Variants in MACROD2 observed in about 807,000 individuals in gnomAD.
The protein encoded by MACROD2 is ADP-ribose glycohydrolase MACROD2.
Under a neutral mutation model 70.4 loss-of-function variants are expected in MACROD2, and 36 were observed. That is an observed-to-expected ratio of 0.51 (90% confidence interval 0.39 to 0.68). The LOEUF (loss-of-function observed/expected upper bound fraction) is 0.68. Ranked by LOEUF, MACROD2 falls within the 30% of genes least tolerant of loss-of-function variation. The pLI, the probability that MACROD2 is intolerant of heterozygous loss-of-function variation, is 0.00. For missense variants in MACROD2, 496 were observed against 538.4 expected (o/e 0.92, Z 0.78); for synonymous variants, 172 against 178.8 (o/e 0.96, Z 0.30).
chr20:15,763,885 A>T (rs2147002220), intron 8 of MACROD2, among the ~76,000 whole-genome samples: 1 of 152,370 alleles, frequency 6.6e-6, no homozygotes, highest in South Asian at 2.1e-4. Context: ...GATACATGTT[A>T]TGATAGTTGG....
In MACROD2 at chr20:15,574,704, G is replaced by A. The variant is rs112649545; in HGVS notation, c.645+74857G>A. 1.5e-3 allele frequency among the ~76,000 whole-genome samples: 235 copies of A among 152,174 alleles called. 2 individuals are homozygous for A. Among genetic ancestry groups the A allele is most frequent in the African/African-American group, 5.2e-3 (218 of 41,540 alleles). Reference sequence around the variant, plus strand: ...GCTTTTCTTCCCCATGAAAACCCCCGTACTTTCCTTGTATTGAGGTGTGGC... The same window carrying A: ...GCTTTTCTTCCCCATGAAAACCCCCATACTTTCCTTGTATTGAGGTGTGGC... On this transcript the variant is annotated intron_variant, in intron 8 of 17. Coordinates refer to ENST00000684519, the MANE Select transcript of MACROD2 (RefSeq NM_001351661.2).
In MACROD2 at chr20:15,731,133, A is replaced by T. The variant is rs2050941860; in HGVS notation, c.646-131612A>T. Among the ~76,000 whole-genome samples, 2 of 58,388 alleles carry T rather than the reference A, an allele frequency of 3.4e-5. 1 individual carries two copies. Among genetic ancestry groups the T allele is most frequent in the Non-Finnish European group, 9.7e-5 (2 of 20,680 alleles). 38.3% of individuals were successfully genotyped at this position (58,388 alleles called of 152,430 possible). On this transcript the variant is annotated intron_variant, in intron 8 of 17. Transcript: ENST00000684519. ...GGTTTTGACTTTCTCCTGGATATCA[A>T]TTGTTTTCATTTCTATCCATAGTCT...
At chr20:14,653,111 C>T (rs1428205313) in intron 4 of MACROD2, among the ~76,000 whole-genome samples, 2 of 152,072 alleles carry the variant, frequency 1.3e-5, no homozygotes, top group African/African-American at 4.8e-5. Context: ...AGTGCAATGG[C>T]GTGATCATGG....
intron 6 of MACROD2, among the ~76,000 whole-genome samples, chr20:15,317,286 G>A (rs959616884): frequency 1.3e-5 from 2 of 151,920 alleles, no homozygotes; most frequent in Non-Finnish European, 2.9e-5. Flanking sequence ...CTGACTAAAC[G>A]AAAATGGTGA....
intron 5 of MACROD2, among the ~76,000 whole-genome samples, chr20:14,734,362 G>T (rs893496945): frequency 1.3e-5 from 2 of 151,580 alleles, no homozygotes; most frequent in South Asian, 2.1e-4. Context: ...TTAGCCACGT[G>T]TAGTGGCGGG....
intron 5 of MACROD2, among the ~76,000 whole-genome samples, chr20:14,792,959 T>C (rs1273751419): frequency 6.6e-6 from 1 of 152,020 alleles, no homozygotes; most frequent in African/African-American, 2.4e-5. Context: ...TTTTTTTAAA[T>C]GTCTAATTGT....
In MACROD2 at chr20:14,297,255, A is replaced by G. The variant is rs529261802; in HGVS notation, c.272-196224A>G. Among the ~76,000 whole-genome samples the G allele has an allele frequency of 2.0e-5, 3 of 151,892 alleles. No homozygotes were observed. In the South Asian group the frequency reaches 6.2e-4, roughly 32 times the overall value. On this transcript the variant is annotated intron_variant, in intron 3 of 17. Coordinates refer to ENST00000684519, the MANE Select transcript of MACROD2 (RefSeq NM_001351661.2). The stretch of plus-strand genomic sequence containing the variant: ...TTAATAACCCTGCAATGGCCTCTAG[A>G]TGTTCAAATAAAAGGAAGAGTCCTA...
chr20:14,643,855 TG>T (rs1390153707), intron 4 of MACROD2, among the ~76,000 whole-genome samples: 1 of 152,106 alleles, frequency 6.6e-6, no homozygotes, highest in African/African-American at 2.4e-5. Context: ...AATGAATGTA[TG>T]GGTAGGTAAA....
At chr20:14,215,337 T>TATCTATGCCATCATATATACACACAC (rs1166198341) in intron 3 of MACROD2, among the ~76,000 whole-genome samples, 1 of 131,044 alleles carries the variant, frequency 7.6e-6, no homozygotes, top group Non-Finnish European at 1.6e-5. Flanking sequence ...CCATCATATA[T>TATCTATGCCATCATATATACACACAC]ACACACACAC....
intron 4 of MACROD2, among the ~76,000 whole-genome samples, chr20:14,677,925 G>A (rs915803210): frequency 6.6e-6 from 1 of 152,140 alleles, no homozygotes. Flanking sequence ...AAAAAAAACA[G>A]TGATCCAGTG....
intron 5 of MACROD2, among the ~76,000 whole-genome samples, chr20:14,830,241 G>C (rs2072949271): frequency 6.6e-6 from 1 of 152,110 alleles, no homozygotes; most frequent in African/African-American, 2.4e-5. Context: ...GCCATGCTGT[G>C]ATTGCCAAGT....
intron 8 of MACROD2, among the ~76,000 whole-genome samples, chr20:15,690,571 G>A (rs1404021236): frequency 6.6e-6 from 1 of 152,154 alleles, no homozygotes; most frequent in Non-Finnish European, 1.5e-5. Flanking sequence ...TAGGCACATG[G>A]ATGATATTTA....
At chr20:14,756,311 A>G (rs2071939660) in intron 5 of MACROD2, among the ~76,000 whole-genome samples, 1 of 152,010 alleles carries the variant, frequency 6.6e-6, no homozygotes, top group African/African-American at 2.4e-5. Context: ...TCCCCTCCTC[A>G]GAATAGTATT....
At chr20:14,668,251 C>T (rs1227000163) in intron 4 of MACROD2, among the ~76,000 whole-genome samples, 2 of 151,956 alleles carry the variant, frequency 1.3e-5, no homozygotes, top group African/African-American at 4.8e-5. Context: ...GAAGAGAAAA[C>T]CCCAATGTCT....
chr20:14,730,642 A>G (rs910138912), intron 5 of MACROD2, among the ~76,000 whole-genome samples: 3 of 152,312 alleles, frequency 2.0e-5, no homozygotes, highest in Non-Finnish European at 4.4e-5. Flanking sequence ...CTTCAAGAAG[A>G]GAATCCTAAA....
chr20:15,134,031 C>T (rs187340363), intron 5 of MACROD2, among the ~76,000 whole-genome samples: 14 of 149,242 alleles, frequency 9.4e-5, no homozygotes, highest in East Asian at 4.1e-4. Context: ...CTCAGCCTCC[C>T]GCGTAGCTGG....
chr20:14,312,370 G>T (rs2082575088), intron 3 of MACROD2, among the ~76,000 whole-genome samples: 1 of 152,182 alleles, frequency 6.6e-6, no homozygotes, highest in African/African-American at 2.4e-5. Context: ...TGAATTGATA[G>T]TGTTCATTTA....
intron 3 of MACROD2, among the ~76,000 whole-genome samples, chr20:14,344,012 G>GT (rs1568569566): frequency 7.9e-5 from 12 of 152,152 alleles, no homozygotes; most frequent in African/African-American, 2.7e-4. Flanking sequence ...GAAATTGTCA[G>GT]ATTTTTTTTT....
chr20:14,574,351 A>G (rs1241662540), intron 4 of MACROD2, among the ~76,000 whole-genome samples: 1 of 152,118 alleles, frequency 6.6e-6, no homozygotes, highest in African/African-American at 2.4e-5. Context: ...CTGCATCTCA[A>G]ATCAAACCAT....
Sources: gnomAD v4.1 joint callset for allele counts (sites outside exome capture counted in the v4.1 genomes callset) on GRCh38, gnomAD v4.1.1 for gene constraint, MANE v1.5 for transcripts, NCBI Gene and HGNC (gene_info 2026-07-23, HGNC 2026-07-21) for gene names.